UGT1A7: variants seen among roughly 807,000 people sequenced by gnomAD.
UGT1A7 encodes the protein UDP-glucuronosyltransferase 1A7.
In UGT1A7, 33 loss-of-function variants were observed where a neutral mutation model predicts 45.6. The observed-to-expected ratio is 0.72, with a 90% CI of 0.55 to 0.97. UGT1A7 has a LOEUF of 0.97. Ranked by LOEUF, UGT1A7 falls within the 50% of genes least tolerant of loss-of-function variation. The pLI, the probability that UGT1A7 is intolerant of heterozygous loss-of-function variation, is 0.00. For missense variants in UGT1A7, 684 were observed against 666.2 expected (o/e 1.03, Z -0.29); for synonymous variants, 274 against 250.6 (o/e 1.09, Z -0.88).
chr2:233,719,519 T>A (rs757746269), intron 1 of UGT1A7: 1 of 1,613,814 alleles, frequency 6.2e-7, no homozygotes, highest in East Asian at 2.2e-5. Flanking sequence ...CTTATGCAAG[T>A]CTTGCCTCTG....
intron 2 of UGT1A7, 141 bp downstream of exon 2, chr2:233,767,306 T>A: frequency 6.6e-7 from 1 of 1,507,862 alleles, no homozygotes; most frequent in Non-Finnish European, 8.8e-7. Flanking sequence ...AATCCAAAGG[T>A]TTTTTTTGTT....
intron 1 of UGT1A7, among the ~76,000 whole-genome samples, chr2:233,698,809 G>A (rs898183693): frequency 2.6e-5 from 4 of 152,220 alleles, no homozygotes; most frequent in Non-Finnish European, 2.9e-5. Flanking sequence ...TCCCAGCCTC[G>A]CCTTGTGGAA....
intron 1 of UGT1A7, chr2:233,719,277 C>T (rs1231059652): frequency 6.2e-7 from 1 of 1,614,052 alleles, no homozygotes; most frequent in Admixed American, 1.7e-5. Context: ...TTTAACAGAC[C>T]CCGTTAACCT....
At chr2:233,719,560 A>C (rs1443276179) in intron 1 of UGT1A7, 1 of 1,613,812 alleles carries the variant, frequency 6.2e-7, no homozygotes, top group Admixed American at 1.7e-5. Context: ...TCAGTGGTGG[A>C]TCTTGTCAGC....
At chr2:233,714,888 A>ATCTTTTTTTTTT (rs148944858) in intron 1 of UGT1A7, among the ~76,000 whole-genome samples, 15,215 of 151,802 alleles carry the variant, frequency 0.1, 867 homozygotes, top group East Asian at 0.2. Flanking sequence ...AAATTTTTCT[A>ATCTTTTTTTTTT]TCTTTTGAGA....
intron 1 of UGT1A7, among the ~76,000 whole-genome samples, chr2:233,765,369 A>G (rs139848699): frequency 2.0e-4 from 30 of 152,382 alleles, no homozygotes; most frequent in African/African-American, 7.0e-4. Flanking sequence ...ATGCCCATCA[A>G]TGGTAGATTG....
chr2:233,757,160 CAG>C (rs980635310), intron 1 of UGT1A7, among the ~76,000 whole-genome samples: 33 of 151,262 alleles, frequency 2.2e-4, no homozygotes, highest in African/African-American at 7.8e-4. Context: ...GGGTCTATCC[CAG>C]AGTTTTGAGA....
At chr2:233,757,560 A>ATATATATATATATATATATATATATATG (rs904896556) in intron 1 of UGT1A7, among the ~76,000 whole-genome samples, 8 of 123,138 alleles carry the variant, frequency 6.5e-5, no homozygotes, top group African/African-American at 2.4e-4. Flanking sequence ...ATATATATAT[A>ATATATATATATATATATATATATATATG]TGTATATATG....
intron 1 of UGT1A7, among the ~76,000 whole-genome samples, chr2:233,725,821 C>A (rs539043727): frequency 6.6e-6 from 1 of 152,130 alleles, no homozygotes; most frequent in South Asian, 2.1e-4. Flanking sequence ...TATTGGATAC[C>A]AGTATTGCTA....
Position 233,746,417 on chromosome 2 carries a change from CT to C in UGT1A7, c.856-20616del, listed in dbSNP as rs747591279. 3.3e-5 allele frequency among the ~76,000 whole-genome samples: 5 copies of C among 151,706 alleles called. No homozygotes were observed. The South Asian group carries it at 1.0e-3, about 32-fold the overall frequency. ...AGCTGGGAGTGTGTCCAATGGTGAC[CT>C]ATTAACTTATGTCTTCAGCTTAAAA... On this transcript the variant is annotated intron_variant, in intron 1 of 4. Transcript: ENST00000373426.
intron 1 of UGT1A7, chr2:233,718,913 G>T (rs2076699236): frequency 6.2e-7 from 1 of 1,613,958 alleles, no homozygotes; most frequent in African/African-American, 1.3e-5. Context: ...GTGGAAAGGT[G>T]TTGGTGGTGC....
At position 233,760,643 on chromosome 2, in the gene UGT1A7, A is replaced by G. The variant is rs534521374; in HGVS notation, c.856-6391A>G. On this transcript the variant is annotated intron_variant, in intron 1 of 4. Coordinates refer to ENST00000373426, the MANE Select transcript of UGT1A7 (RefSeq NM_019077.3). ...AAAACATACAAGAAAATAAAAAAGG[A>G]CTCTGCTATGCTTTTGTCTGGCTGT... 5.0e-6 allele frequency: 8 copies of G among 1,614,148 alleles called. No individual in the cohort carries two copies. The South Asian group carries it at 8.8e-5, about 18-fold the overall frequency.
At chr2:233,712,639 C>T (rs184142486) in intron 1 of UGT1A7, among the ~76,000 whole-genome samples, 30 of 152,228 alleles carry the variant, frequency 2.0e-4, no homozygotes, top group Non-Finnish European at 2.4e-4. Flanking sequence ...TCAGCTGCAG[C>T]CTGATAAACG....
At chr2:233,740,251 C>G (rs922661439) in intron 1 of UGT1A7, among the ~76,000 whole-genome samples, 2 of 151,726 alleles carry the variant, frequency 1.3e-5, no homozygotes, top group African/African-American at 4.9e-5. Flanking sequence ...TAGACTAATA[C>G]AAGATTGGTG....
intron 1 of UGT1A7, among the ~76,000 whole-genome samples, chr2:233,708,070 G>T (rs1007307586): frequency 1.3e-5 from 2 of 152,102 alleles, no homozygotes; most frequent in Non-Finnish European, 2.9e-5. Flanking sequence ...TCTGCATCTT[G>T]CTTTTTACTT....
rs1699582839 is a variant in UGT1A7, at chr2:233,768,178, C to CA, written c.1076-41dup. On this transcript the variant is annotated intron_variant, in intron 3 of 4. Transcript: ENST00000373426. ...CCTAGATGTGTCCAGCTGTGAAACTCAGAGATGTAACTGCTGACATCCTCC... is the reference window on the plus strand; with the variant it reads ...CCTAGATGTGTCCAGCTGTGAAACTCAAGAGATGTAACTGCTGACATCCTCC... 5.6e-6 allele frequency: 9 copies of CA among 1,613,764 alleles called. No individual in the cohort carries two copies. In the Admixed American group the frequency reaches 8.3e-5, roughly 15 times the overall value.
chr2:233,682,412 A>G lies in UGT1A7; in HGVS notation c.475A>G (p.Lys159Glu), dbSNP rs981967326. The change falls in exon 1 of 5, where the codon AAA (lysine) becomes GAA (glutamate). Residue 159 changes from lysine (K) to glutamate (E), a missense_variant. By Grantham distance (56) the Lys-to-Glu change is moderately conservative. Coordinates refer to ENST00000373426, the MANE Select transcript of UGT1A7 (RefSeq NM_019077.3). ...TGATGCCTGTGGCTTAATTGTTGCCAAATATTTCTCCCTCCCCTCTGTGGT... is the reference window on the plus strand; with the variant it reads ...TGATGCCTGTGGCTTAATTGTTGCCGAATATTTCTCCCTCCCCTCTGTGGT... ...PFDACGLIVA[K>E]YFSLPSVVFA... is the part of the protein sequence containing the mutation. 2 of 1,613,870 alleles carry G rather than the reference A, an allele frequency of 1.2e-6. No individual in the cohort carries two copies.
chr2:233,728,515 A>G (rs2077723500), intron 1 of UGT1A7, among the ~76,000 whole-genome samples: 5 of 152,152 alleles, frequency 3.3e-5, no homozygotes, highest in Admixed American at 2.6e-4. Context: ...AGCTTTTTCT[A>G]TATTGACAGC....
intron 1 of UGT1A7, chr2:233,719,497 C>T (rs774203287): frequency 1.2e-6 from 2 of 1,613,882 alleles, no homozygotes; most frequent in African/African-American, 2.7e-5. Flanking sequence ...ATTTGCCATA[C>T]TTTTTCTGCC....
Sources: gnomAD v4.1 joint callset for allele counts (sites outside exome capture counted in the v4.1 genomes callset) on GRCh38, gnomAD v4.1.1 for gene constraint, MANE v1.5 for transcripts, NCBI Gene and HGNC (gene_info 2026-07-23, HGNC 2026-07-21) for gene names.